The following AUTS2 variants were observed in gnomAD, a reference collection of about 807,000 sequenced individuals.
The protein encoded by AUTS2 is activator of transcription and developmental regulator AUTS2.
In AUTS2, 17 loss-of-function variants were observed where a neutral mutation model predicts 112.4. That is an observed-to-expected ratio of 0.15 (90% CI 0.10 to 0.23). The LOEUF (loss-of-function observed/expected upper bound fraction) is 0.23, where lower values mean the gene tolerates loss of function less well. AUTS2 is among the 10% of genes least tolerant of loss of function. The pLI, the probability that AUTS2 is intolerant of heterozygous loss-of-function variation, is 1.00. For synonymous variants in AUTS2, 751 were observed against 702.7 expected (o/e 1.07, Z -1.09); for missense variants, 1,510 against 1,701.6 (o/e 0.89, Z 1.98).
chr7:69,945,185 G>A (rs1796762572), intron 2 of AUTS2, among the ~76,000 whole-genome samples: 1 of 152,112 alleles, frequency 6.6e-6, no homozygotes, highest in Non-Finnish European at 1.5e-5. Context: ...TCACAGAGAT[G>A]CAGCCATCAC....
At chr7:70,522,352 T>A (rs984266957) in intron 5 of AUTS2, among the ~76,000 whole-genome samples, 2 of 152,330 alleles carry the variant, frequency 1.3e-5, no homozygotes, top group South Asian at 4.1e-4. Context: ...GGTTTGTTAC[T>A]TGGGTATATT....
chr7:70,338,423 T>C (rs1791093190), intron 4 of AUTS2, among the ~76,000 whole-genome samples: 2 of 152,208 alleles, frequency 1.3e-5, no homozygotes, highest in Admixed American at 6.5e-5. Flanking sequence ...GCATAGACTG[T>C]CTTTTAGGAA....
chr7:70,320,582 G>C (rs1001532359), intron 4 of AUTS2, among the ~76,000 whole-genome samples: 1 of 152,174 alleles, frequency 6.6e-6, no homozygotes, highest in Admixed American at 6.5e-5. Context: ...ACATCACTGG[G>C]GAAGACAATT....
chr7:70,790,448 C>T lies in AUTS2; in HGVS notation c.3232C>T (p.Pro1078Ser), dbSNP rs1169875410. 1 of 1,612,326 alleles carries T rather than the reference C, an allele frequency of 6.2e-7. No homozygotes were observed. The highest frequency in any genetic ancestry group is 1.1e-5 in the South Asian group (1 of 90,866). ...CCCCATCCGGGACCCCTTGAGGGAT[C>T]CTTACCGAGAACTTGACATTCACCG... ...WDPIRDPLRD[P>S]YRELDIHRRD... The change falls in exon 19 of 19, where the codon CCT (proline) becomes TCT (serine). Residue 1078 changes from proline to serine, a missense_variant. Transcript: ENST00000342771. The surrounding 1 kb of genome is among the most constrained non-coding windows in gnomAD (Gnocchi z 7.6).
At chr7:69,783,399 A>G (rs577140827) in intron 1 of AUTS2, among the ~76,000 whole-genome samples, 2 of 152,114 alleles carry the variant, frequency 1.3e-5, no homozygotes, top group Non-Finnish European at 2.9e-5. Context: ...CCATTTGAGT[A>G]GATGCTTGTT....
At chr7:70,769,137 G>C (rs1413982269) in intron 10 of AUTS2, among the ~76,000 whole-genome samples, 1 of 152,144 alleles carries the variant, frequency 6.6e-6, no homozygotes. Context: ...ATGTACTCTA[G>C]GGGCATTTAG....
At chr7:69,936,445 G>A (rs1796414789) in intron 2 of AUTS2, among the ~76,000 whole-genome samples, 2 of 152,088 alleles carry the variant, frequency 1.3e-5, no homozygotes, top group South Asian at 4.2e-4. Flanking sequence ...CACCTCCTGG[G>A]TTCACGCCAT....
chr7:70,790,131 A>T lies in AUTS2; in HGVS notation c.2915A>T (p.Glu972Val), dbSNP rs1791806791. The T allele has an allele frequency of 2.5e-6, 4 of 1,606,888 alleles. No individual in the cohort carries two copies. Among genetic ancestry groups the T allele is most frequent in the Non-Finnish European group, 2.5e-6 (3 of 1,177,572 alleles). Residue 972 changes from glutamate (E) to valine (V), a missense_variant, in exon 19 of 19, where the codon GAG becomes GTG. Physicochemically the swap from Glu to Val is moderately radical, Grantham distance 121 (BLOSUM62 -2). Coordinates refer to ENST00000342771, the MANE Select transcript of AUTS2 (RefSeq NM_015570.4). The surrounding 1 kb of genome is among the most constrained non-coding windows in gnomAD (Gnocchi z 7.6). ...AEPRKGEPAYENPKKSSEVKV... is the reference protein window; with the variant it reads ...AEPRKGEPAYVNPKKSSEVKV... ...CCGCGCAAGGGTGAGCCGGCCTACGAGAACCCCAAGAAGAGCTCCGAGGTC... is the reference window on the plus strand; with the variant it reads ...CCGCGCAAGGGTGAGCCGGCCTACGTGAACCCCAAGAAGAGCTCCGAGGTC...
chr7:70,087,023 A>G (rs1360478401), intron 2 of AUTS2, among the ~76,000 whole-genome samples: 1 of 151,528 alleles, frequency 6.6e-6, no homozygotes, highest in Admixed American at 6.6e-5. Context: ...AAGTGGTGAG[A>G]GTGTACATGC....
chr7:70,640,468 G>A (rs1487124793), intron 5 of AUTS2, among the ~76,000 whole-genome samples: 2 of 149,640 alleles, frequency 1.3e-5, no homozygotes, highest in African/African-American at 4.9e-5. Context: ...CATGAGGTCA[G>A]GGGACTGGCA....
At chr7:70,084,339 T>C (rs1205803313) in intron 2 of AUTS2, among the ~76,000 whole-genome samples, 1 of 152,246 alleles carries the variant, frequency 6.6e-6, no homozygotes, top group Non-Finnish European at 1.5e-5. Context: ...TTTGTTATTA[T>C]GTATAATGCA....
chr7:69,750,714 G>T (rs923046585), intron 1 of AUTS2, among the ~76,000 whole-genome samples: 17 of 151,980 alleles, frequency 1.1e-4, no homozygotes, highest in Non-Finnish European at 8.8e-5. Flanking sequence ...GGGTTTATAG[G>T]CATGAGCCAC....
chr7:69,769,441 A>G (rs1788566677), intron 1 of AUTS2, among the ~76,000 whole-genome samples: 2 of 152,178 alleles, frequency 1.3e-5, no homozygotes, highest in African/African-American at 4.8e-5. Flanking sequence ...TGTAATGTTC[A>G]CAGAGTGGGT....
At chr7:70,004,807 G>A (rs1415433478) in intron 2 of AUTS2, among the ~76,000 whole-genome samples, 3 of 143,052 alleles carry the variant, frequency 2.1e-5, no homozygotes, top group Non-Finnish European at 4.5e-5. Flanking sequence ...ATGAATTAAT[G>A]ACTTTATTTA....
intron 4 of AUTS2, among the ~76,000 whole-genome samples, chr7:70,326,012 G>A (rs529046073): frequency 6.6e-6 from 1 of 152,300 alleles, no homozygotes; most frequent in African/African-American, 2.4e-5. Flanking sequence ...TGAGTCTTCA[G>A]TTTCTCTGCC....
In AUTS2 at chr7:70,215,710, CT is replaced by C. The variant is rs1253960996; in HGVS notation, c.660+81143del. 2.0e-5 allele frequency among the ~76,000 whole-genome samples: 3 copies of C among 152,070 alleles called. No individual in the cohort carries two copies. In the East Asian group the frequency reaches 5.8e-4, roughly 29 times the overall value. The stretch of plus-strand genomic sequence containing the variant: ...AGGAGAAGCATCAAGGATGATGTAA[CT>C]TTTAGGTTTCTGGCTTGAGCAGTTG... On this transcript the variant is annotated intron_variant, in intron 4 of 18. Transcript: ENST00000342771.
chr7:70,548,603 C>A (rs566442131), intron 5 of AUTS2, among the ~76,000 whole-genome samples: 7 of 152,124 alleles, frequency 4.6e-5, no homozygotes, highest in Non-Finnish European at 1.0e-4. Context: ...GGGTCTAGTT[C>A]TGTGTTCCTG....
intron 5 of AUTS2, among the ~76,000 whole-genome samples, chr7:70,445,146 C>T (rs1047661000): frequency 6.6e-6 from 1 of 152,082 alleles, no homozygotes; most frequent in African/African-American, 2.4e-5. Context: ...TGACCATGTG[C>T]CAAACTCTCT....
At chr7:70,720,529 T>C (rs995059934) in intron 6 of AUTS2, among the ~76,000 whole-genome samples, 1 of 152,134 alleles carries the variant, frequency 6.6e-6, no homozygotes, top group African/African-American at 2.4e-5. Flanking sequence ...GGAAAGTAGT[T>C]GGTAGGGATC....
Sources: gnomAD v4.1 joint callset for allele counts (sites outside exome capture counted in the v4.1 genomes callset) on GRCh38, gnomAD v4.1.1 for gene constraint, Gnocchi (gnomAD v3.1) non-coding constraint, MANE v1.5 for transcripts, NCBI Gene and HGNC (gene_info 2026-07-23, HGNC 2026-07-21) for gene names.